PHKA1: variants seen among roughly 807,000 people sequenced by gnomAD.
PHKA1 encodes phosphorylase b kinase regulatory subunit alpha, skeletal muscle isoform.
A neutral mutation model predicts 110.2 loss-of-function variants in PHKA1; 60 were observed. The ratio of observed to expected loss-of-function variants is 0.54; its 90% confidence interval spans 0.44 to 0.68. The LOEUF (loss-of-function observed/expected upper bound fraction) is 0.68. PHKA1 is among the 30% of genes least tolerant of loss of function. PHKA1 has a pLI of 0.00. For missense variants in PHKA1, 801 were observed against 942.5 expected, an observed-to-expected ratio of 0.85 and a Z score of 1.97; for synonymous variants, 316 against 333.6, an observed-to-expected ratio of 0.95 and a Z score of 0.58.
intron 17 of PHKA1, among the ~76,000 whole-genome samples, chrX:72,625,631 T>C (rs1305094625): frequency 9.0e-6 from 1 of 111,602 alleles, no homozygotes; most frequent in Non-Finnish European, 1.9e-5. Context: ...ATATATCCAG[T>C]AATGGGATTG....
chrX:72,667,121 G>A (rs1556306747), intron 7 of PHKA1, among the ~76,000 whole-genome samples: 2 of 112,191 alleles, frequency 1.8e-5, no homozygotes, highest in Admixed American at 1.9e-4. Context: ...TGATAGTGGT[G>A]GATAATTCCA....
intron 17 of PHKA1, among the ~76,000 whole-genome samples, chrX:72,625,823 G>A (rs782401885): frequency 8.2e-4 from 91 of 111,116 alleles, no homozygotes; most frequent in Non-Finnish European, 1.3e-3. Context: ...GCACCAACAC[G>A]CCTGGCTAAT....
chrX:72,676,165 C>A lies in PHKA1; in HGVS notation c.538-15G>T. 8.6e-7 allele frequency: 1 copy of A among 1,160,788 alleles called. No individual in the cohort carries two copies. Among genetic ancestry groups the A allele is most frequent in the Non-Finnish European group, 1.2e-6 (1 of 849,946 alleles). On this transcript the variant is annotated splice_polypyrimidine_tract_variant and intron_variant, in intron 5 of 31. Coordinates refer to ENST00000373542, the MANE Select transcript of PHKA1 (RefSeq NM_002637.4). ...ATCCCGAAGTCCTGGCATAAAATAA[C>A]CAATATACAATTAGCAAGTCATAAC...
In PHKA1 at chrX:72,605,381, G is replaced by T. The variant is rs1556249298; in HGVS notation, c.2705C>A (p.Ala902Asp). 1.2e-5 allele frequency: 14 copies of T among 1,206,722 alleles called. No individual in the cohort carries two copies. Among genetic ancestry groups the T allele is most frequent in the Non-Finnish European group, 1.3e-5 (12 of 892,238 alleles). ...ILTQEIMVYL[A>D]MYMRTQPGLF... ...GCCAGGCTGGGTTCGCATATACATG[G>T]CTAGATATACCATTATTTCCTGCAC... Residue 902 changes from alanine to aspartate, a missense_variant, in exon 25 of 32, where the codon GCC becomes GAC. Physicochemically the swap from Ala to Asp is moderately radical, Grantham distance 126. Coordinates refer to ENST00000373542, the MANE Select transcript of PHKA1 (RefSeq NM_002637.4).
At chrX:72,642,416 C>A in intron 14 of PHKA1, among the ~76,000 whole-genome samples, 1 of 111,432 alleles carries the variant, frequency 9.0e-6, no homozygotes, top group East Asian at 2.8e-4. Flanking sequence ...TTGCATAAAC[C>A]CATTACTGCA....
At chrX:72,585,891 G>C (rs1603249942) in intron 29 of PHKA1, among the ~76,000 whole-genome samples, 1 of 112,413 alleles carries the variant, frequency 8.9e-6, no homozygotes, top group Non-Finnish European at 1.9e-5. Flanking sequence ...CATTGCTGAG[G>C]CGTGAGTAGG....
chrX:72,654,793 G>A (rs1315639628), intron 10 of PHKA1, among the ~76,000 whole-genome samples: 1 of 108,217 alleles, frequency 9.2e-6, no homozygotes, highest in Non-Finnish European at 1.9e-5. Context: ...TGCATAGCAT[G>A]GTGATTTTTT....
rs35822369 is a variant in PHKA1, at chrX:72,626,065, CAT to C, written c.1793+904_1793+905del. ...ATTTTAGCAAAAAAGCATGTGTGTA[CAT>C]GTGTGTATATATATGTATATATATA... On this transcript the variant is annotated intron_variant, in intron 17 of 31. Coordinates refer to ENST00000373542, the MANE Select transcript of PHKA1 (RefSeq NM_002637.4). 0.064 allele frequency among the ~76,000 whole-genome samples: 6,992 copies of C among 109,259 alleles called. 792 individuals are homozygous for C. The East Asian group carries it at 0.67, about 10-fold the overall frequency. 94.9% of individuals were successfully genotyped at this position (109,259 alleles called of 115,157 possible). A position where few individuals can be genotyped will look rare whatever the true frequency, so the allele number is the denominator to read the frequency against.
At chrX:72,641,599 A>C (rs782648286) in intron 14 of PHKA1, among the ~76,000 whole-genome samples, 1 of 111,750 alleles carries the variant, frequency 8.9e-6, no homozygotes, top group South Asian at 3.7e-4. Flanking sequence ...GATTAATCTC[A>C]TAATTTAAAA....
intron 29 of PHKA1, among the ~76,000 whole-genome samples, chrX:72,591,444 G>C (rs1387105656): frequency 9.0e-6 from 1 of 111,261 alleles, no homozygotes; most frequent in Non-Finnish European, 1.9e-5. Flanking sequence ...ATAGCATTGG[G>C]AGAAATACCT....
chrX:72,602,549 T>C (rs919179168), intron 26 of PHKA1, among the ~76,000 whole-genome samples: 2 of 110,910 alleles, frequency 1.8e-5, no homozygotes, highest in East Asian at 2.8e-4. Flanking sequence ...CAACTTTCTT[T>C]TACCACTCTA....
intron 29 of PHKA1, among the ~76,000 whole-genome samples, chrX:72,591,910 G>A (rs1163699187): frequency 6.3e-5 from 7 of 111,641 alleles, no homozygotes; most frequent in South Asian, 7.5e-4. Context: ...TGCATTTATC[G>A]GACATGTACT....
chrX:72,691,948 G>A (rs1451311358), intron 4 of PHKA1, among the ~76,000 whole-genome samples: 1 of 111,686 alleles, frequency 9.0e-6, no homozygotes. Flanking sequence ...TGATCTATGG[G>A]GAAAAGCATT....
At chrX:72,630,267 AAAAG>A (rs1206660268) in intron 16 of PHKA1, among the ~76,000 whole-genome samples, 2 of 105,295 alleles carry the variant, frequency 1.9e-5, no homozygotes, top group Non-Finnish European at 3.9e-5. Context: ...AAGAAAAAGA[AAAAG>A]AAAAAGAAAA....
Position 72,611,175 on chromosome X carries a change from G to A in PHKA1, c.2379C>T (p.Asp793=). Residue 793 remains aspartate (D), a synonymous_variant, in exon 22 of 32, where the codon GAC becomes GAT. Coordinates refer to ENST00000373542, the MANE Select transcript of PHKA1 (RefSeq NM_002637.4). ...LYMLYTMKGP[D]WNTELYNERS... is the part of the protein sequence containing the mutation. Reference sequence around the variant, plus strand: ...GTTCATTATACAATTCAGTGTTCCAGTCAGGTCCTCTAGAATTTTAACGAC... The same window carrying A: ...GTTCATTATACAATTCAGTGTTCCAATCAGGTCCTCTAGAATTTTAACGAC... The A allele has an allele frequency of 8.3e-7, 1 of 1,201,683 alleles. No homozygotes were observed. The highest frequency in any genetic ancestry group is 1.1e-6 in the Non-Finnish European group (1 of 886,745).
intron 11 of PHKA1, 81 bp from the exon 12 acceptor site, chrX:72,652,732 T>A (rs2053445159): frequency 1.6e-6 from 1 of 612,559 alleles, no homozygotes; most frequent in African/African-American, 2.2e-5. Context: ...GACTGGATTG[T>A]AATTTATACC....
At chrX:72,643,464 G>A (rs1480712595) in intron 14 of PHKA1, among the ~76,000 whole-genome samples, 1 of 111,846 alleles carries the variant, frequency 8.9e-6, no homozygotes, top group Non-Finnish European at 1.9e-5. Context: ...GGCATCATGA[G>A]TCCAAAATGA....
At chrX:72,624,107 A>AT (rs1226733410) in intron 17 of PHKA1, among the ~76,000 whole-genome samples, 2 of 112,048 alleles carry the variant, frequency 1.8e-5, no homozygotes, top group Non-Finnish European at 3.8e-5. Context: ...AACCTGGCAG[A>AT]TACCAGGTTG....
intron 25 of PHKA1, among the ~76,000 whole-genome samples, chrX:72,604,431 C>A (rs2052700200): frequency 9.0e-6 from 1 of 111,512 alleles, no homozygotes; most frequent in African/African-American, 3.3e-5. Flanking sequence ...AGGTATAAAA[C>A]AATTGTTAGC....
Sources: gnomAD v4.1 joint callset for allele counts (sites outside exome capture counted in the v4.1 genomes callset) on GRCh38, gnomAD v4.1.1 for gene constraint, MANE v1.5 for transcripts, NCBI Gene and HGNC (gene_info 2026-07-23, HGNC 2026-07-21) for gene names.